Variants in CCDC146 observed in about 807,000 individuals in gnomAD.
CCDC146 encodes coiled-coil domain-containing protein 146.
CCDC146 carries 92 observed loss-of-function variants against 119.3 expected under a neutral mutation model. The observed-to-expected ratio is 0.77, with a 90% CI of 0.65 to 0.92. CCDC146 has a LOEUF of 0.92. Among genes scored for constraint, CCDC146 ranks in the 40% least tolerant of loss-of-function variants. The pLI, the probability that CCDC146 is intolerant of heterozygous loss-of-function variation, is 0.00. For missense variants in CCDC146, 1,000 were observed against 1,103.0 expected (o/e 0.91, Z 1.32); for synonymous variants, 372 against 371.8 (o/e 1.00, Z -0.01).
chr7:77,286,709 TA>T (rs1793854602), intron 15 of CCDC146, 88 bp from the exon 16 acceptor site: 1 of 1,365,916 alleles, frequency 7.3e-7, no homozygotes, highest in Non-Finnish European at 1.0e-6. Context: ...TTGGTCCTAC[TA>T]AAAAACTCTC....
At chr7:77,200,869 C>A (rs755948343) in intron 2 of CCDC146, among the ~76,000 whole-genome samples, 1 of 152,158 alleles carries the variant, frequency 6.6e-6, no homozygotes, top group Non-Finnish European at 1.5e-5. Context: ...CATAAGATTT[C>A]TTGTTTAAAA....
Position 77,281,038 on chromosome 7 carries a change from G to A in CCDC146, c.1919+385G>A, listed in dbSNP as rs529164520. ...GAATCGCTTGAACCCGGGAGGCAGA[G>A]GTTGCAGTGAGCTGAGATCGTGCCA... On this transcript the variant is annotated intron_variant, in intron 14 of 18. Transcript: ENST00000285871. Among the ~76,000 whole-genome samples, 31 of 152,052 alleles carry A rather than the reference G, an allele frequency of 2.0e-4. 1 individual carries two copies. In the South Asian group the frequency reaches 6.4e-3, roughly 32 times the overall value.
At chr7:77,276,598 A>G (rs951992255) in intron 11 of CCDC146, among the ~76,000 whole-genome samples, 19 of 152,184 alleles carry the variant, frequency 1.2e-4, no homozygotes, top group African/African-American at 3.6e-4. Flanking sequence ...CATGTTAAAC[A>G]ATTTAGACTC....
In CCDC146 at chr7:77,175,475, T is replaced by C. The variant is rs1454705903; in HGVS notation, c.156+7651T>C. The stretch of plus-strand genomic sequence containing the variant: ...ATAGAATATGAAACTAAAAGTAGAG[T>C]GTGGATGTGTACCAATCATCATGGG... On this transcript the variant is annotated intron_variant, in intron 2 of 18. Coordinates refer to ENST00000285871, the MANE Select transcript of CCDC146 (RefSeq NM_020879.3). Among the ~76,000 whole-genome samples, 2 of 149,222 alleles carry C rather than the reference T, an allele frequency of 1.3e-5. 1 individual carries two copies. Among genetic ancestry groups the C allele is most frequent in the African/African-American group, 5.0e-5 (2 of 39,654 alleles).
At chr7:77,217,379 C>T (rs1792319533) in intron 2 of CCDC146, among the ~76,000 whole-genome samples, 1 of 149,800 alleles carries the variant, frequency 6.7e-6, no homozygotes, top group South Asian at 2.1e-4. Flanking sequence ...TATGTATATG[C>T]ACATATGTAT....
chr7:77,249,600 TTCTG>T (rs36026355), intron 4 of CCDC146, among the ~76,000 whole-genome samples: 84,773 of 151,426 alleles, frequency 0.56, 26,194 homozygotes, highest in Non-Finnish European at 0.7. Context: ...CTGAAGTTCG[TTCTG>T]TCTGAAATTA....
At chr7:77,130,300 C>A (rs1045314826) in intron 1 of CCDC146, among the ~76,000 whole-genome samples, 2 of 151,960 alleles carry the variant, frequency 1.3e-5, no homozygotes, top group African/African-American at 4.8e-5. Flanking sequence ...GCATCCCATG[C>A]AGATAAGGGG....
At chr7:77,282,497 T>C in intron 14 of CCDC146, 60 bp from the exon 15 acceptor site, 1 of 1,133,804 alleles carries the variant, frequency 8.8e-7, no homozygotes, top group Non-Finnish European at 1.3e-6. Context: ...GGAACCACAA[T>C]GACTAGTAAA....
At chr7:77,157,249 T>C (rs1355642255) in intron 1 of CCDC146, among the ~76,000 whole-genome samples, 1 of 115,410 alleles carries the variant, frequency 8.7e-6, no homozygotes, top group African/African-American at 3.6e-5. Flanking sequence ...TGTTCAACTT[T>C]ACATTACACC....
At chr7:77,133,093 C>T (rs1418849403) in intron 1 of CCDC146, among the ~76,000 whole-genome samples, 2 of 152,036 alleles carry the variant, frequency 1.3e-5, no homozygotes, top group Non-Finnish European at 2.9e-5. Flanking sequence ...ATTGCTTCAC[C>T]CCAGGAGGCA....
intron 2 of CCDC146, among the ~76,000 whole-genome samples, chr7:77,182,916 G>A (rs1400301158): frequency 2.6e-5 from 4 of 151,992 alleles, no homozygotes; most frequent in African/African-American, 9.7e-5. Flanking sequence ...CCCACCTCAA[G>A]GAACCACCAG....
intron 1 of CCDC146, among the ~76,000 whole-genome samples, chr7:77,165,472 G>C (rs1220326971): frequency 6.6e-6 from 1 of 152,004 alleles, no homozygotes; most frequent in Non-Finnish European, 1.5e-5. Context: ...GAGGGTGTGG[G>C]TGCCAAGCAA....
At chr7:77,216,331 C>T (rs1792301527) in intron 2 of CCDC146, among the ~76,000 whole-genome samples, 1 of 152,074 alleles carries the variant, frequency 6.6e-6, no homozygotes, top group African/African-American at 2.4e-5. Context: ...TCCTGCCAAC[C>T]TGGACTACCT....
chr7:77,247,671 A>C (rs1792979462), intron 4 of CCDC146, among the ~76,000 whole-genome samples: 1 of 152,248 alleles, frequency 6.6e-6, no homozygotes, highest in Non-Finnish European at 1.5e-5. Flanking sequence ...AAAGCAGACA[A>C]ATGGCTAAGA....
At chr7:77,259,862 G>T in intron 7 of CCDC146, 147 bp from the exon 8 acceptor site, 2 of 622,724 alleles carry the variant, frequency 3.2e-6, no homozygotes, top group Non-Finnish European at 5.6e-6. Flanking sequence ...TGAGATCATT[G>T]AATTTATGAC....
At chr7:77,288,757 G>C (rs1053501207) in intron 17 of CCDC146, among the ~76,000 whole-genome samples, 4 of 152,186 alleles carry the variant, frequency 2.6e-5, no homozygotes, top group Non-Finnish European at 5.9e-5. Flanking sequence ...GGTCTAGTAG[G>C]GGGAGACAGA....
At chr7:77,215,633 G>C (rs1325993595) in intron 2 of CCDC146, among the ~76,000 whole-genome samples, 1 of 151,962 alleles carries the variant, frequency 6.6e-6, no homozygotes, top group Non-Finnish European at 1.5e-5. Flanking sequence ...ATTACACAGG[G>C]AATTTATTTA....
At chr7:77,159,367 G>A (rs6962880) in intron 1 of CCDC146, among the ~76,000 whole-genome samples, 56,274 of 150,422 alleles carry the variant, frequency 0.37, 10,398 homozygotes, top group African/African-American at 0.45. Context: ...GAGTTTGACT[G>A]CTTTAAGTTC....
intron 9 of CCDC146, among the ~76,000 whole-genome samples, chr7:77,270,735 C>T (rs3114325): frequency 6.6e-6 from 1 of 152,050 alleles, no homozygotes; most frequent in African/African-American, 2.4e-5. Flanking sequence ...TAGGCACAAC[C>T]GGTTATTTCA....
Sources: gnomAD v4.1 joint callset for allele counts (sites outside exome capture counted in the v4.1 genomes callset) on GRCh38, gnomAD v4.1.1 for gene constraint, MANE v1.5 for transcripts, NCBI Gene and HGNC (gene_info 2026-07-23, HGNC 2026-07-21) for gene names.